NOTCH4: variants seen among roughly 807,000 people sequenced by gnomAD.
NOTCH4 encodes the protein neurogenic locus notch homolog protein 4.
A neutral mutation model predicts 189.0 loss-of-function variants in NOTCH4; 138 were observed. That is an observed-to-expected ratio of 0.73 (90% CI 0.64 to 0.84). The LOEUF (loss-of-function observed/expected upper bound fraction) is 0.84. NOTCH4 is among the 40% of genes least tolerant of loss of function. The pLI, the probability that NOTCH4 is intolerant of heterozygous loss-of-function variation, is 0.00. For missense variants in NOTCH4, 2,286 were observed against 2,605.4 expected (o/e 0.88, Z 2.67); for synonymous variants, 942 against 1,032.8 (o/e 0.91, Z 1.69).
In NOTCH4 at chr6:32,195,760, AAT is replaced by A; in HGVS notation, c.5687_5688del (p.His1896LeufsTer19). ...LAARGGGAYSHCRSLSGVGAG... is the reference protein window; with the variant it reads ...LAARGGGAYSXCRSLSGVGAG... ...GCTCCTACTCCCGAGAGGCTCCGGCAATGAGAATAGGCCCCGCCCCCCCGCGC... is the reference window on the plus strand; with the variant it reads ...GCTCCTACTCCCGAGAGGCTCCGGCAGAGAATAGGCCCCGCCCCCCCGCGC... On this transcript the variant is annotated frameshift_variant, in exon 30 of 30. Transcript: ENST00000375023. LOFTEE classifies it low-confidence loss of function (END_TRUNC). This position sits in a 1 kb window ranked among gnomAD's most constrained non-coding sequence, Gnocchi z 5.4. 1 of 1,611,382 alleles carries A rather than the reference AAT, an allele frequency of 6.2e-7. No homozygotes were observed. The highest frequency in any genetic ancestry group is 8.5e-7 in the Non-Finnish European group (1 of 1,179,786).
chr6:32,212,484 T>A lies in NOTCH4; in HGVS notation c.2670A>T (p.Ala890=). The A allele has an allele frequency of 1.2e-6, 2 of 1,611,198 alleles. No individual in the cohort carries two copies. The highest frequency in any genetic ancestry group is 4.5e-5 in the East Asian group (2 of 44,880). The change falls in exon 17 of 30, where the codon GCA becomes GCT. Residue 890 remains alanine, a synonymous_variant. Coordinates refer to ENST00000375023, the MANE Select transcript of NOTCH4 (RefSeq NM_004557.4). This position sits in a 1 kb window ranked among gnomAD's most constrained non-coding sequence, Gnocchi z 4.4. Reference sequence around the variant, plus strand: ...GCCGGCGTTGGTTACCTTGGCTCAGTGCAGCCTTCTGGCAGGAGGACAGTG... The same window carrying A: ...GCCGGCGTTGGTTACCTTGGCTCAGAGCAGCCTTCTGGCAGGAGGACAGTG... ...NLPLSSCQKA[A]LSQGIDVSSL... is the part of the protein sequence containing the mutation.
In NOTCH4 at chr6:32,201,385, G is replaced by C; in HGVS notation, c.3871C>G (p.Pro1291Ala). 6.3e-7 allele frequency: 1 copy of C among 1,587,762 alleles called. No homozygotes were observed. Among genetic ancestry groups the C allele is most frequent in the Non-Finnish European group, 8.6e-7 (1 of 1,167,352 alleles). The part of the protein sequence containing the change: ...GGDCRPEDGD[P>A]EWGPSLALLV... Reference sequence around the variant, plus strand: ...AGGGCCAGGGAGGGCCCCCACTCTGGGTCCCCATCTTCAGGCCTGCAGTCA... The same window carrying C: ...AGGGCCAGGGAGGGCCCCCACTCTGCGTCCCCATCTTCAGGCCTGCAGTCA... The change falls in exon 22 of 30, where the codon CCA becomes GCA. Residue 1291 changes from proline (P) to alanine (A), a missense_variant. Around this residue, in one of 2 missense-constraint regions of NOTCH4, gnomAD observed 1,903 missense variants for 2,261.9 expected, o/e 0.84. Coordinates refer to ENST00000375023, the MANE Select transcript of NOTCH4 (RefSeq NM_004557.4). This position sits in a 1 kb window ranked among gnomAD's most constrained non-coding sequence, Gnocchi z 5.5.
rs960230012 is a variant in NOTCH4, at chr6:32,215,560, T to C, written c.1862-175A>G. Among the ~76,000 whole-genome samples the C allele has an allele frequency of 3.9e-5, 6 of 152,332 alleles. No individual in the cohort carries two copies. The East Asian group carries it at 5.8e-4, about 15-fold the overall frequency. On this transcript the variant is annotated intron_variant, in intron 11 of 29. Coordinates refer to ENST00000375023, the MANE Select transcript of NOTCH4 (RefSeq NM_004557.4). ...ATTGCCTTTAAGATATTGTTTAACT[T>C]TCTCAGAATGATATGCAGAGTCCTG...
At chr6:32,222,951 C>T in intron 2 of NOTCH4, 54 bp downstream of exon 2, 2 of 1,564,986 alleles carry the variant, frequency 1.3e-6, no homozygotes, top group African/African-American at 1.4e-5. Flanking sequence ...CTCTCCCCCC[C>T]TGCTCTCCCT....
At chr6:32,223,294 C>T (rs1271171571) in intron 1 of NOTCH4, among the ~76,000 whole-genome samples, 1 of 152,152 alleles carries the variant, frequency 6.6e-6, no homozygotes, top group Non-Finnish European at 1.5e-5. Context: ...CCCCCCTTTC[C>T]TGTTTATTCT....
Position 32,195,490 on chromosome 6 carries a change from G to A in NOTCH4, c.5959C>T (p.Pro1987Ser), listed in dbSNP as rs2127457650. ...ERGSPQLDCG[P>S]PALQEMPINQ... ...ATGGGCATTTCTTGGAGGGCTGGGG[G>A]ACCACAGTCAAGTTGAGGTGATCCC... Residue 1987 changes from proline (P) to serine (S), a missense_variant, in exon 30 of 30, where the codon CCC (proline) becomes TCC (serine). Pro to Ser is a moderately conservative substitution (Grantham distance 74). Coordinates refer to ENST00000375023, the MANE Select transcript of NOTCH4 (RefSeq NM_004557.4). The surrounding 1 kb of genome is among the most constrained non-coding windows in gnomAD (Gnocchi z 5.4). The A allele has an allele frequency of 6.2e-7, 1 of 1,612,664 alleles. No individual in the cohort carries two copies. Among genetic ancestry groups the A allele is most frequent in the Non-Finnish European group, 8.5e-7 (1 of 1,179,772 alleles).
At chr6:32,197,709 CTG>C (rs1788043265) in intron 26 of NOTCH4, 115 bp from the exon 27 acceptor site, 1 of 933,040 alleles carries the variant, frequency 1.1e-6, no homozygotes, top group Non-Finnish European at 1.5e-6. Flanking sequence ...AGTTCTGGCT[CTG>C]TGTGGCTTTA....
chr6:32,216,816 T>C, intron 11 of NOTCH4, 129 bp downstream of exon 11: 1 of 1,171,178 alleles, frequency 8.5e-7, no homozygotes, highest in Non-Finnish European at 1.3e-6. Context: ...TTACACTAAA[T>C]AACTTTAAAG....
chr6:32,214,200 CT>C lies in NOTCH4; in HGVS notation c.2076del (p.Gly694AlafsTer37). 2 of 1,613,608 alleles carry C rather than the reference CT, an allele frequency of 1.2e-6. No individual in the cohort carries two copies. The highest frequency in any genetic ancestry group is 1.7e-6 in the Non-Finnish European group (2 of 1,179,792). Reference sequence around the variant, plus strand: ...GCACAGGGTGCAGAGATGCAGCCCCCTAGCTCTGCCTCACACTCTGGCCCCG... The same window carrying C: ...GCACAGGGTGCAGAGATGCAGCCCCCAGCTCTGCCTCACACTCTGGCCCCG... ...GWTGPECEAE[L>X]GGCISAPCAH... On this transcript the variant is annotated frameshift_variant, in exon 13 of 30. Transcript: ENST00000375023. LOFTEE classifies it high-confidence loss of function.
chr6:32,223,684 C>A (rs1461395091), intron 1 of NOTCH4, among the ~76,000 whole-genome samples, 172 bp downstream of exon 1: 1 of 152,078 alleles, frequency 6.6e-6, no homozygotes. Context: ...AGGCCCGAAG[C>A]AGCTCCATGG....
At position 32,198,946 on chromosome 6, in the gene NOTCH4, G is replaced by A. The variant is rs752383712; in HGVS notation, c.4515C>T (p.Gly1505=). 34 of 1,590,908 alleles carry A rather than the reference G, an allele frequency of 2.1e-5. No individual in the cohort carries two copies. Among genetic ancestry groups the A allele is most frequent in the Non-Finnish European group, 2.8e-5 (33 of 1,168,094 alleles). The change falls in exon 24 of 30, where the codon GGC becomes GGT. Residue 1505 remains glycine (G), a synonymous_variant. Coordinates refer to ENST00000375023, the MANE Select transcript of NOTCH4 (RefSeq NM_004557.4). This position sits in a 1 kb window ranked among gnomAD's most constrained non-coding sequence, Gnocchi z 5.5. ...SAPHRRRPPL[G]EDSIGLKALK... The stretch of plus-strand genomic sequence containing the variant: ...CTCACTTGAGACCAATGCTGTCCTC[G>A]CCTAGTGGGGGCCGGCGTCGGTGGG...
Position 32,218,017 on chromosome 6 carries a change from G to A in NOTCH4, c.1602C>T (p.Gly534=), listed in dbSNP as rs1267326845. ...NHADCHDLLN[G]FQCICLPGFS... Reference sequence around the variant, plus strand: ...CACCAGGCAGGCAGATGCACTGGAAGCCGTTGAGCAGGTCATGGCAATCCG... The same window carrying A: ...CACCAGGCAGGCAGATGCACTGGAAACCGTTGAGCAGGTCATGGCAATCCG... The change falls in exon 9 of 30, where the codon GGC becomes GGT. Residue 534 remains glycine, a synonymous_variant. Coordinates refer to ENST00000375023, the MANE Select transcript of NOTCH4 (RefSeq NM_004557.4). 1 of 1,613,354 alleles carries A rather than the reference G, an allele frequency of 6.2e-7. No individual in the cohort carries two copies. The highest frequency in any genetic ancestry group is 8.5e-7 in the Non-Finnish European group (1 of 1,179,482).
At chr6:32,204,419 C>G (rs1220375122) in intron 18 of NOTCH4, 30 bp from the exon 19 acceptor site, 1 of 1,605,396 alleles carries the variant, frequency 6.2e-7, no homozygotes, top group Non-Finnish European at 8.5e-7. Context: ...GACAGGGAAC[C>G]AGTGGATGAG....
At position 32,212,370 on chromosome 6, in the gene NOTCH4, T is replaced by G; in HGVS notation, c.2680+104A>C. 1 of 1,077,512 alleles carries G rather than the reference T, an allele frequency of 9.3e-7. No homozygotes were observed. The highest frequency in any genetic ancestry group is 1.4e-6 in the Non-Finnish European group (1 of 740,452). 66.7% of individuals were successfully genotyped at this position (1,077,512 alleles called of 1,614,324 possible). On this transcript the variant is annotated intron_variant, in intron 17 of 29. Coordinates refer to ENST00000375023, the MANE Select transcript of NOTCH4 (RefSeq NM_004557.4). The surrounding 1 kb of genome is among the most constrained non-coding windows in gnomAD (Gnocchi z 4.4). ...TGTCTGTGTGGTTTTGATTCTCAGA[T>G]GGTTGTTTTGGCCAAAAGCTGTGTG... is the stretch of plus-strand genomic sequence containing the variant.
At position 32,204,326 on chromosome 6, in the gene NOTCH4, AG is replaced by A; in HGVS notation, c.2928del (p.Cys977ValfsTer71). 6.2e-7 allele frequency: 1 copy of A among 1,613,094 alleles called. No homozygotes were observed. The highest frequency in any genetic ancestry group is 8.5e-7 in the Non-Finnish European group (1 of 1,180,028). On this transcript the variant is annotated frameshift_variant, in exon 19 of 30. Transcript: ENST00000375023. LOFTEE classifies it high-confidence loss of function. ...SKELDACQSQ[P>X]CHNHGTCTPK... ...GGAGTACAGGTTCCATGGTTGTGAC[AG>A]GGTTGGGACTGACAAGCATCGAGTT... is the stretch of plus-strand genomic sequence containing the variant.
chr6:32,202,751 A>G lies in NOTCH4; in HGVS notation c.3232-152T>C, dbSNP rs1326190389. 3 of 644,198 alleles carry G rather than the reference A, an allele frequency of 4.7e-6. No homozygotes were observed. Among genetic ancestry groups the G allele is most frequent in the Non-Finnish European group, 7.7e-6 (3 of 389,264 alleles). 39.9% of individuals were successfully genotyped at this position (644,198 alleles called of 1,614,324 possible). On this transcript the variant is annotated intron_variant, in intron 20 of 29. Transcript: ENST00000375023. The surrounding 1 kb of genome is among the most constrained non-coding windows in gnomAD (Gnocchi z 5.7). ...GAGCATCAAGTTAATCATTTTGTGG[A>G]TGTTGAAACCATGTCCTGTGGTAAT...
Position 32,196,003 on chromosome 6 carries a change from G to C in NOTCH4, c.5446C>G (p.Leu1816Val). The change falls in exon 30 of 30, where the codon CTG (leucine) becomes GTG (valine). Residue 1816 changes from leucine (L) to valine (V), a missense_variant. Physicochemically the swap from Leu to Val is conservative, Grantham distance 32. Around this residue, in one of 2 missense-constraint regions of NOTCH4, gnomAD observed 383 missense variants for 343.5 expected, o/e 1.11. Transcript: ENST00000375023. ...VAHQRNHWDL[L>V]TLLEGAGPPE... ...GGCCCAGCCCCTTCCAGCAGCGTCA[G>C]CAGATCCCAGTGGTTACGTTGGTGA... 1 of 1,599,534 alleles carries C rather than the reference G, an allele frequency of 6.3e-7. No individual in the cohort carries two copies. Among genetic ancestry groups the C allele is most frequent in the South Asian group, 1.1e-5 (1 of 90,794 alleles).
In NOTCH4 at chr6:32,217,043, G is replaced by C; in HGVS notation, c.1763C>G (p.Thr588Arg). Residue 588 changes from threonine to arginine, a missense_variant, in exon 11 of 30, where the codon ACA becomes AGA. Thr to Arg is a moderately conservative substitution (Grantham distance 71). Transcript: ENST00000375023. The surrounding 1 kb of genome is among the most constrained non-coding windows in gnomAD (Gnocchi z 4.2). Reference protein sequence around the residue: ...LPGFEGPRCQTEVDECLSDPC... With the variant: ...LPGFEGPRCQREVDECLSDPC... ...GTCACTCAGGCACTCATCCACCTCT[G>C]TTTGACAGCGTGGCCCTTCAAAGCC... 6.2e-7 allele frequency: 1 copy of C among 1,613,102 alleles called. No individual in the cohort carries two copies. The highest frequency in any genetic ancestry group is 8.5e-7 in the Non-Finnish European group (1 of 1,180,044).
Position 32,210,870 on chromosome 6 carries a change from CA to C in NOTCH4, c.2746del (p.Cys916AlafsTer16). 6.2e-7 allele frequency: 1 copy of C among 1,612,722 alleles called. No individual in the cohort carries two copies. The highest frequency in any genetic ancestry group is 8.5e-7 in the Non-Finnish European group (1 of 1,179,874). ...GCCTTGGAATCCAGGGGGGCAGTGGCAGAAATAGGAGGGGCCGCTGTCGACA... is the reference window on the plus strand; with the variant it reads ...GCCTTGGAATCCAGGGGGGCAGTGGCGAAATAGGAGGGGCCGCTGTCGACA... ...LCVDSGPSYF[C>X]HCPPGFQGSL... On this transcript the variant is annotated frameshift_variant, in exon 18 of 30. Transcript: ENST00000375023. LOFTEE classifies it high-confidence loss of function. The surrounding 1 kb of genome is among the most constrained non-coding windows in gnomAD (Gnocchi z 4.8).
Sources: allele counts gnomAD v4.1 joint callset (sites outside exome capture counted in the v4.1 genomes callset), GRCh38; gene constraint gnomAD v4.1.1; regional missense constraint gnomAD v4.1.1; non-coding constraint Gnocchi (gnomAD v3.1); transcripts MANE v1.5; gene names NCBI Gene and HGNC (gene_info 2026-07-23, HGNC 2026-07-21).